CCDC110: variants seen among roughly 807,000 people sequenced by gnomAD.
CCDC110 encodes the protein coiled-coil domain-containing protein 110.
Under a neutral mutation model 77.1 loss-of-function variants are expected in CCDC110, and 70 were observed. The observed-to-expected ratio is 0.91, with a 90% CI of 0.75 to 1.11. CCDC110 has a LOEUF of 1.11. CCDC110 is among the 50% of genes least tolerant of loss of function. CCDC110 has a pLI of 0.00. For synonymous variants in CCDC110, 295 were observed against 312.5 expected (o/e 0.94, Z 0.59); for missense variants, 868 against 942.9 (o/e 0.92, Z 1.04).
chr4:185,470,259 G>A (rs531568004), intron 2 of CCDC110, among the ~76,000 whole-genome samples: 4 of 152,300 alleles, frequency 2.6e-5, no homozygotes, highest in South Asian at 4.1e-4. Context: ...GAGCCTCTGC[G>A]GATAGCAAAA....
In CCDC110 at chr4:185,459,806, C is replaced by A. The variant is rs775172418; in HGVS notation, c.781G>T (p.Ala261Ser). 3 of 1,613,468 alleles carry A rather than the reference C, an allele frequency of 1.9e-6. No homozygotes were observed. The highest frequency in any genetic ancestry group is 3.3e-5 in the Admixed American group (2 of 59,990). Residue 261 changes from alanine (A) to serine (S), a missense_variant, in exon 6 of 7, where the codon GCA becomes TCA. Transcript: ENST00000307588. Reference sequence around the variant, plus strand: ...AAAGTCTGAAGTTCATTTGTAAGTGCCACTTCCCCATCATGTGACTTTTGA... The same window carrying A: ...AAAGTCTGAAGTTCATTTGTAAGTGACACTTCCCCATCATGTGACTTTTGA... Reference protein sequence around the residue: ...ELQKSHDGEVALTNELQTLQT... With the variant: ...ELQKSHDGEVSLTNELQTLQT...
At chr4:185,461,303 G>C (rs1444072195) in intron 4 of CCDC110, 144 bp from the exon 5 acceptor site, 2 of 494,554 alleles carry the variant, frequency 4.0e-6, no homozygotes, top group African/African-American at 4.0e-5. Flanking sequence ...ATAAATGAAA[G>C]CTACTTAATT....
chr4:185,459,993 A>G lies in CCDC110; in HGVS notation c.594T>C (p.Asn198=), dbSNP rs1453880961. ...SENSDILKNY[N]NFYRFLPTAP... The stretch of plus-strand genomic sequence containing the variant: ...CAGTAGGTAGAAAACGATAAAAGTT[A>G]TTATAATTCTTCAAGATGTCAGAAT... The change falls in exon 6 of 7, where the codon AAT becomes AAC. Residue 198 remains asparagine, a synonymous_variant. Coordinates refer to ENST00000307588, the MANE Select transcript of CCDC110 (RefSeq NM_152775.4). The G allele has an allele frequency of 6.2e-7, 1 of 1,613,542 alleles. No individual in the cohort carries two copies. The highest frequency in any genetic ancestry group is 1.1e-5 in the South Asian group (1 of 91,008).
chr4:185,470,001 A>G (rs1357702806), intron 2 of CCDC110, among the ~76,000 whole-genome samples: 1 of 152,186 alleles, frequency 6.6e-6, no homozygotes, highest in African/African-American at 2.4e-5. Context: ...GTCCCCTCAC[A>G]GCAGGCTCCT....
intron 4 of CCDC110, among the ~76,000 whole-genome samples, chr4:185,462,020 C>T (rs149200041): frequency 3.5e-4 from 53 of 152,284 alleles, no homozygotes; most frequent in African/African-American, 1.2e-3. Context: ...ATTGCTTGAA[C>T]CCAGGAGGCA....
At chr4:185,455,832 G>A (rs1366268292) in intron 6 of CCDC110, among the ~76,000 whole-genome samples, 1 of 151,916 alleles carries the variant, frequency 6.6e-6, no homozygotes, top group East Asian at 1.9e-4. Context: ...GCAGTGAGCT[G>A]AGATTGTTCC....
At chr4:185,450,340 C>T (rs1275465884) in intron 6 of CCDC110, among the ~76,000 whole-genome samples, 1 of 152,178 alleles carries the variant, frequency 6.6e-6, no homozygotes, top group Non-Finnish European at 1.5e-5. Context: ...TCTTTCGTGT[C>T]CTCCCATGTT....
At chr4:185,469,210 A>AAGCATCAGT (rs1490621973) in intron 2 of CCDC110, among the ~76,000 whole-genome samples, 4 of 152,206 alleles carry the variant, frequency 2.6e-5, no homozygotes, top group Non-Finnish European at 5.9e-5. Context: ...GTGACAATGA[A>AAGCATCAGT]AGCATCAGTA....
Position 185,470,735 on chromosome 4 carries a change from G to T in CCDC110, c.115+210C>A, listed in dbSNP as rs1204756530. 4.6e-6 allele frequency: 3 copies of T among 645,920 alleles called. No individual in the cohort carries two copies. In the African/African-American group the frequency reaches 5.4e-5, roughly 12 times the overall value. The allele number at this position is 645,920 out of a possible 1,614,324, so 40.0% of individuals were successfully genotyped here. On this transcript the variant is annotated intron_variant, in intron 2 of 6. Coordinates refer to ENST00000307588, the MANE Select transcript of CCDC110 (RefSeq NM_152775.4). The stretch of plus-strand genomic sequence containing the variant: ...TCCTTATCTGCAAAATGGGGATCGT[G>T]GTAGCACCCACCTCGTAAAAGTGTT...
At chr4:185,451,081 T>G (rs1198534221) in intron 6 of CCDC110, among the ~76,000 whole-genome samples, 1 of 152,110 alleles carries the variant, frequency 6.6e-6, no homozygotes, top group African/African-American at 2.4e-5. Flanking sequence ...TCTCCCGAGA[T>G]CTGATGATTT....
rs2095640022 is a variant in CCDC110 at position 185,458,633 on chromosome 4, T to C, written c.1954A>G (p.Thr652Ala). 1 of 1,608,604 alleles carries C rather than the reference T, an allele frequency of 6.2e-7. No individual in the cohort carries two copies. Among genetic ancestry groups the C allele is most frequent in the Non-Finnish European group, 8.5e-7 (1 of 1,179,618 alleles). The change falls in exon 6 of 7, where the codon ACT (threonine) becomes GCT (alanine). Residue 652 changes from threonine (T) to alanine (A), a missense_variant. Physicochemically the swap from Thr to Ala is moderately conservative, Grantham distance 58. Transcript: ENST00000307588. ...LNLETTLQES[T>A]AARQIMEREI... ...CTTTCCATAATTTGTCTGGCAGCAGTAGATTCTTGTAATGTTGTTTCAAGG... is the reference window on the plus strand; with the variant it reads ...CTTTCCATAATTTGTCTGGCAGCAGCAGATTCTTGTAATGTTGTTTCAAGG...
At position 185,468,348 on chromosome 4, in the gene CCDC110, T is replaced by G. The variant is rs986381524; in HGVS notation, c.115+2597A>C. 3.9e-5 allele frequency among the ~76,000 whole-genome samples: 6 copies of G among 152,208 alleles called. No individual in the cohort carries two copies. Among genetic ancestry groups the G allele is most frequent in the African/African-American group, 9.7e-5 (4 of 41,446 alleles). On this transcript the variant is annotated intron_variant, in intron 2 of 6. Transcript: ENST00000307588. The surrounding 1 kb of genome is among the most constrained non-coding windows in gnomAD (Gnocchi z 4.5). Reference sequence around the variant, plus strand: ...CACATAGTGAATGCTCAAGAGACACTAACTCATTACTGCAGAGGCAATATG... The same window carrying G: ...CACATAGTGAATGCTCAAGAGACACGAACTCATTACTGCAGAGGCAATATG...
rs1379608866 is a variant in CCDC110 at position 185,463,032 on chromosome 4, C to G, written c.133G>C (p.Glu45Gln). 6.2e-7 allele frequency: 1 copy of G among 1,613,438 alleles called. No homozygotes were observed. The highest frequency in any genetic ancestry group is 1.7e-5 in the Admixed American group (1 of 59,962). The change falls in exon 3 of 7, where the codon GAA becomes CAA. Residue 45 changes from glutamate (E) to glutamine (Q), a missense_variant. Physicochemically the swap from Glu to Gln is conservative, Grantham distance 29 (BLOSUM62 2). Coordinates refer to ENST00000307588, the MANE Select transcript of CCDC110 (RefSeq NM_152775.4). Reference sequence around the variant, plus strand: ...TGTGGTTGGATTTGATTTTCTGATTCTGCTATGCAGCCATATTCTAAGAAG... The same window carrying G: ...TGTGGTTGGATTTGATTTTCTGATTGTGCTATGCAGCCATATTCTAAGAAG... ...CSDTEYGCIA[E>Q]SENQIQPQSA...
Position 185,458,552 on chromosome 4 carries a change from C to A in CCDC110, c.2035G>T (p.Glu679Ter). The A allele has an allele frequency of 6.2e-7, 1 of 1,606,736 alleles. No individual in the cohort carries two copies. The highest frequency in any genetic ancestry group is 1.7e-5 in the Admixed American group (1 of 59,228). The change falls in exon 6 of 7, where the codon GAA becomes TAA. Residue 679 changes from glutamate (E) to a stop codon, truncating the protein, a stop_gained. Transcript: ENST00000307588. LOFTEE classifies it high-confidence loss of function. Reference sequence around the variant, plus strand: ...GCTTCTGATTTTGCATTTTTTATTTCTTGCAGAAAATTCTCTTCGGCAGTA... The same window carrying A: ...GCTTCTGATTTTGCATTTTTTATTTATTGCAGAAAATTCTCTTCGGCAGTA... ...QSTAEENFLQ[E>*]IKNAKSEASI...
intron 6 of CCDC110, among the ~76,000 whole-genome samples, chr4:185,450,606 G>C (rs1482077525): frequency 1.3e-5 from 2 of 152,082 alleles, no homozygotes; most frequent in Admixed American, 6.5e-5. Context: ...AATTATCTGG[G>C]CATGGTGGCG....
chr4:185,452,347 C>T (rs907241600), intron 6 of CCDC110: 97 of 985,296 alleles, frequency 9.8e-5, no homozygotes, highest in Non-Finnish European at 1.1e-4. Context: ...TACAAACTGT[C>T]TGCTTACATC....
At chr4:185,465,715 T>C (rs2095654360) in intron 2 of CCDC110, among the ~76,000 whole-genome samples, 1 of 152,186 alleles carries the variant, frequency 6.6e-6, no homozygotes, top group African/African-American at 2.4e-5. Context: ...AGAAGGCAAT[T>C]GCAGGGCTAC....
chr4:185,458,756 G>C lies in CCDC110; in HGVS notation c.1831C>G (p.Leu611Val), dbSNP rs375989961. Residue 611 changes from leucine to valine, a missense_variant, in exon 6 of 7, where the codon CTA becomes GTA. Coordinates refer to ENST00000307588, the MANE Select transcript of CCDC110 (RefSeq NM_152775.4). ...TTCTCTTTTAGCTGGATTATCTCTAGCTGGCTTTCTTTTAGTTCATTTCCA... is the reference window on the plus strand; with the variant it reads ...TTCTCTTTTAGCTGGATTATCTCTACCTGGCTTTCTTTTAGTTCATTTCCA... Reference protein sequence around the residue: ...SLGNELKESQLEIIQLKEKER... With the variant: ...SLGNELKESQVEIIQLKEKER... 6.2e-7 allele frequency: 1 copy of C among 1,609,924 alleles called. No individual in the cohort carries two copies. The highest frequency in any genetic ancestry group is 1.3e-5 in the African/African-American group (1 of 74,624).
intron 6 of CCDC110, chr4:185,457,783 A>G: frequency 6.9e-7 from 1 of 1,446,414 alleles, no homozygotes; most frequent in Non-Finnish European, 9.1e-7. Context: ...TATATCTTGG[A>G]TGGAAGCAAA....
Sources: allele counts gnomAD v4.1 joint callset (sites outside exome capture counted in the v4.1 genomes callset), GRCh38; gene constraint gnomAD v4.1.1; non-coding constraint Gnocchi (gnomAD v3.1); transcripts MANE v1.5; gene names NCBI Gene and HGNC (gene_info 2026-07-23, HGNC 2026-07-21).